BCL11A: variants seen among roughly 807,000 people sequenced by gnomAD.
The protein encoded by BCL11A is B cell CLL/lymphoma 11A.
In BCL11A, 2 loss-of-function variants were observed where a neutral mutation model predicts 55.9. The observed-to-expected ratio is 0.04, with a 90% CI of 0.01 to 0.11. BCL11A has a LOEUF of 0.11. Among genes scored for constraint, BCL11A ranks in the 10% least tolerant of loss-of-function variants. BCL11A has a pLI of 1.00. For synonymous variants in BCL11A, 465 were observed against 473.4 expected (o/e 0.98, Z 0.23); for missense variants, 817 against 1,137.1 (o/e 0.72, Z 4.05).
At chr2:60,486,253 A>G (rs560015116) in intron 2 of BCL11A, among the ~76,000 whole-genome samples, 20 of 152,184 alleles carry the variant, frequency 1.3e-4, no homozygotes, top group Admixed American at 9.8e-4. Flanking sequence ...ATGACTTGTG[A>G]TTTGTTCTCT....
intron 2 of BCL11A, among the ~76,000 whole-genome samples, chr2:60,479,641 G>A (rs948646161): frequency 3.9e-5 from 6 of 152,168 alleles, no homozygotes; most frequent in African/African-American, 9.7e-5. Context: ...AGGCTGACGC[G>A]GTTTCAAAGA....
chr2:60,498,183 C>T (rs1037376541), intron 2 of BCL11A, among the ~76,000 whole-genome samples: 11 of 151,702 alleles, frequency 7.3e-5, no homozygotes, highest in Non-Finnish European at 1.2e-4. Flanking sequence ...TCTATGTAGA[C>T]GGGTGTGTGG....
At position 60,460,945 on chromosome 2, in the gene BCL11A, T is replaced by C. The variant is rs1676221672; in HGVS notation, c.1967A>G (p.Tyr656Cys). 6.2e-7 allele frequency: 1 copy of C among 1,613,102 alleles called. No homozygotes were observed. The highest frequency in any genetic ancestry group is 8.5e-7 in the Non-Finnish European group (1 of 1,179,928). Residue 656 changes from tyrosine (Y) to cysteine (C), a missense_variant, in exon 4 of 4, where the codon TAC becomes TGC. By Grantham distance (194) the Tyr-to-Cys change is radical. Around this residue, in one of 4 missense-constraint regions of BCL11A, gnomAD observed 379 missense variants for 425.3 expected, o/e 0.89. Transcript: ENST00000642384. ...CGCGTAGCCGGCGAGCCACTGCGAG[T>C]ACACGTTCTCCGTGTTGGGCATCGC... ...PAAMPNTENV[Y>C]SQWLAGYAAS...
intron 2 of BCL11A, among the ~76,000 whole-genome samples, chr2:60,492,428 T>C (rs1678688708): frequency 6.6e-6 from 1 of 152,216 alleles, no homozygotes; most frequent in Non-Finnish European, 1.5e-5. Context: ...AATAAATGTA[T>C]TTCTAGGGAA....
chr2:60,463,721 A>G (rs1676447180), intron 3 of BCL11A, among the ~76,000 whole-genome samples: 1 of 152,168 alleles, frequency 6.6e-6, no homozygotes, highest in African/African-American at 2.4e-5. Flanking sequence ...ACAGTTTACT[A>G]GTCAACTGCA....
chr2:60,475,991 C>G (rs1374807565), intron 2 of BCL11A, among the ~76,000 whole-genome samples: 1 of 152,168 alleles, frequency 6.6e-6, no homozygotes, highest in East Asian at 1.9e-4. Context: ...CTAAGTGTTT[C>G]CATCTTTAAA....
chr2:60,491,509 C>A (rs939480412), intron 2 of BCL11A, among the ~76,000 whole-genome samples: 3 of 151,914 alleles, frequency 2.0e-5, no homozygotes, highest in Non-Finnish European at 4.4e-5. Flanking sequence ...CCCGTCTCTA[C>A]TAAAAATACA....
At chr2:60,484,222 A>T (rs1325723461) in intron 2 of BCL11A, 1 of 152,310 alleles carries the variant, frequency 6.6e-6, no homozygotes, top group East Asian at 1.9e-4. Flanking sequence ...CTTCACAGGA[A>T]GTTACACGCA....
chr2:60,457,203 A>G lies in BCL11A; in HGVS notation c.*3201T>C. The stretch of plus-strand genomic sequence containing the variant: ...CAAGAAGCTTACAATGTGTACTTTA[A>G]TTTTTTTTATTTTTTCAATAAAGGG... On this transcript the variant is annotated 3_prime_UTR_variant, in exon 4 of 4. Transcript: ENST00000642384. 1 of 997,506 alleles carries G rather than the reference A, an allele frequency of 1.0e-6. No individual in the cohort carries two copies. The highest frequency in any genetic ancestry group is 1.2e-6 in the Non-Finnish European group (1 of 833,594). The allele number at this position is 997,506 out of a possible 1,614,324, so 61.8% of individuals were successfully genotyped here. A position where few individuals can be genotyped will look rare whatever the true frequency, so the allele number is the denominator to read the frequency against.
chr2:60,549,112 T>G (rs1670279182), intron 1 of BCL11A, among the ~76,000 whole-genome samples: 1 of 152,142 alleles, frequency 6.6e-6, no homozygotes, highest in South Asian at 2.1e-4. Context: ...TCATAATAAT[T>G]AGCCGCGAAT....
rs566731881 is a variant in BCL11A at position 60,459,055 on chromosome 2, C to T, written c.*1349G>A. ...CAAGTCTTAAGAATTCATAGTTAAT[C>T]ATCATTGTATCAATATTAGCTTATA... On this transcript the variant is annotated 3_prime_UTR_variant, in exon 4 of 4. Coordinates refer to ENST00000642384, the MANE Select transcript of BCL11A (RefSeq NM_022893.4). 431 of 1,016,004 alleles carry T rather than the reference C, an allele frequency of 4.2e-4. No individual in the cohort carries two copies. Among genetic ancestry groups the T allele is most frequent in the Middle Eastern group, 1.4e-3 (3 of 2,158 alleles). The allele number at this position is 1,016,004 out of a possible 1,614,324, so 62.9% of individuals were successfully genotyped here. A position where few individuals can be genotyped will look rare whatever the true frequency, so the allele number is the denominator to read the frequency against.
At chr2:60,517,935 C>A (rs956881884) in intron 2 of BCL11A, among the ~76,000 whole-genome samples, 3 of 145,700 alleles carry the variant, frequency 2.1e-5, no homozygotes, top group Admixed American at 6.7e-5. Flanking sequence ...ACTAGAGGAA[C>A]AAGAACCTTA....
downstream of BCL11A, chr2:60,452,347 T>A (rs1675757451): frequency 2.1e-6 from 1 of 476,484 alleles, no homozygotes; most frequent in Non-Finnish European, 3.8e-6. Context: ...TGGGACTGAT[T>A]CACTGTTCCA....
chr2:60,452,602 A>G (rs954383915), downstream of BCL11A: 1 of 1,613,890 alleles, frequency 6.2e-7, no homozygotes, highest in African/African-American at 1.3e-5. Flanking sequence ...TCGAGCTTCC[A>G]TCCGAAAACT....
chr2:60,514,541 A>G (rs1668642030), intron 2 of BCL11A, among the ~76,000 whole-genome samples: 1 of 149,418 alleles, frequency 6.7e-6, no homozygotes, highest in South Asian at 2.1e-4. Context: ...GATGGCATGC[A>G]CCTATAATCC....
intron 2 of BCL11A, among the ~76,000 whole-genome samples, chr2:60,515,604 G>A (rs1668695022): frequency 6.6e-6 from 1 of 152,162 alleles, no homozygotes; most frequent in Admixed American, 6.5e-5. Flanking sequence ...GGCCTGGGGA[G>A]GTCCAGCCCA....
chr2:60,538,702 C>T (rs1202404386), intron 2 of BCL11A, among the ~76,000 whole-genome samples: 1 of 148,162 alleles, frequency 6.7e-6, no homozygotes, highest in Non-Finnish European at 1.5e-5. Flanking sequence ...TAGATCAGTA[C>T]TAGATTTAAA....
intron 2 of BCL11A, chr2:60,533,717 C>T (rs1329310908): frequency 3.3e-5 from 5 of 152,156 alleles, no homozygotes; most frequent in East Asian, 1.9e-4. Flanking sequence ...CAGAATCGCT[C>T]GACACACACA....
At chr2:60,505,067 C>T (rs1055522316) in intron 2 of BCL11A, among the ~76,000 whole-genome samples, 3 of 152,160 alleles carry the variant, frequency 2.0e-5, no homozygotes, top group East Asian at 1.9e-4. Flanking sequence ...TAAGCTTCAA[C>T]TACCCTTTCT....
Sources: gnomAD v4.1 joint callset for allele counts (sites outside exome capture counted in the v4.1 genomes callset) on GRCh38, gnomAD v4.1.1 for gene constraint, gnomAD v4.1.1 regional missense constraint, MANE v1.5 for transcripts, NCBI Gene and HGNC (gene_info 2026-07-23, HGNC 2026-07-21) for gene names.